The following FRMD3 variants were observed in gnomAD, a reference collection of about 807,000 sequenced individuals.
The protein encoded by FRMD3 is FERM domain-containing protein 3.
Under a neutral mutation model 70.2 loss-of-function variants are expected in FRMD3, and 33 were observed. The ratio of observed to expected loss-of-function variants is 0.47; its 90% CI spans 0.36 to 0.63. The LOEUF (loss-of-function observed/expected upper bound fraction) is 0.63. Among genes scored for constraint, FRMD3 ranks in the 20% least tolerant of loss-of-function variants. The pLI is 0.00. For missense variants in FRMD3, 632 were observed against 711.4 expected, an observed-to-expected ratio of 0.89 and a Z score of 1.27; for synonymous variants, 279 against 255.9, an observed-to-expected ratio of 1.09 and a Z score of -0.86.
At chr9:83,469,628 C>A (rs1446594857) in intron 1 of FRMD3, among the ~76,000 whole-genome samples, 1 of 151,970 alleles carries the variant, frequency 6.6e-6, no homozygotes, top group Non-Finnish European at 1.5e-5. Context: ...TGAACCACCT[C>A]ATGGAAAACA....
chr9:83,476,782 C>T (rs1041200754), intron 1 of FRMD3, among the ~76,000 whole-genome samples: 2 of 152,140 alleles, frequency 1.3e-5, no homozygotes, highest in Non-Finnish European at 1.5e-5. Context: ...TCCCTTGAGT[C>T]GTAATCATGT....
the FRMD3 span, among the ~76,000 whole-genome samples, chr9:83,578,662 G>C: frequency 6.6e-6 from 1 of 151,722 alleles, no homozygotes; most frequent in African/African-American, 2.4e-5. Flanking sequence ...TAACAGATTA[G>C]GTACAGAAGA....
chr9:83,565,632 C>T, the FRMD3 span, among the ~76,000 whole-genome samples: 1 of 152,194 alleles, frequency 6.6e-6, no homozygotes, highest in Admixed American at 6.5e-5. Context: ...CTGTCCCAGT[C>T]CCATTTCTTC....
At chr9:83,566,164 G>T in the FRMD3 span, among the ~76,000 whole-genome samples, 4 of 152,300 alleles carry the variant, frequency 2.6e-5, no homozygotes, top group South Asian at 8.3e-4. Flanking sequence ...TCAGAATCAT[G>T]GCAGGAGGTG....
At chr9:83,511,214 G>A (rs534171817) in intron 1 of FRMD3, among the ~76,000 whole-genome samples, 1 of 152,282 alleles carries the variant, frequency 6.6e-6, no homozygotes, top group African/African-American at 2.4e-5. Flanking sequence ...CTTAGGAAAT[G>A]ACTAATAAAC....
chr9:83,351,323 T>TACACACAC (rs56407249), intron 3 of FRMD3, among the ~76,000 whole-genome samples: 8,092 of 143,762 alleles, frequency 0.056, 323 homozygotes, highest in East Asian at 0.19. Flanking sequence ...AAACTGATCA[T>TACACACAC]ACACACACAC....
chr9:83,582,362 T>C, the FRMD3 span, among the ~76,000 whole-genome samples: 1 of 152,246 alleles, frequency 6.6e-6, no homozygotes, highest in African/African-American at 2.4e-5. Context: ...TTCTTAAATT[T>C]AGTTCATTAA....
chr9:83,379,570 T>G (rs1825292910), intron 2 of FRMD3, among the ~76,000 whole-genome samples: 1 of 152,152 alleles, frequency 6.6e-6, no homozygotes, highest in Non-Finnish European at 1.5e-5. Context: ...CCATCATTGA[T>G]TCTACAAAAT....
intron 5 of FRMD3, among the ~76,000 whole-genome samples, chr9:83,340,223 G>A (rs182626250): frequency 9.2e-5 from 14 of 152,182 alleles, no homozygotes; most frequent in Admixed American, 2.0e-4. Flanking sequence ...CAAGTGCCCC[G>A]ATTCATTTCA....
intron 1 of FRMD3, among the ~76,000 whole-genome samples, chr9:83,461,833 A>C (rs1587876822): frequency 6.6e-6 from 1 of 151,580 alleles, no homozygotes; most frequent in Admixed American, 6.6e-5. Flanking sequence ...GATTACAGGC[A>C]CCTGCCACCA....
chr9:83,355,121 C>A (rs1824293310), intron 3 of FRMD3, among the ~76,000 whole-genome samples: 1 of 152,076 alleles, frequency 6.6e-6, no homozygotes, highest in Admixed American at 6.5e-5. Context: ...GTCCTGAATC[C>A]CCTTGTGCAG....
At chr9:83,565,119 T>C in the FRMD3 span, among the ~76,000 whole-genome samples, 3 of 152,120 alleles carry the variant, frequency 2.0e-5, no homozygotes, top group African/African-American at 7.2e-5. Context: ...AATAATGAGA[T>C]TTTACCAGGT....
chr9:83,517,649 G>T (rs1829484766), intron 1 of FRMD3, among the ~76,000 whole-genome samples: 1 of 152,096 alleles, frequency 6.6e-6, no homozygotes, highest in Non-Finnish European at 1.5e-5. Context: ...TATGAGGCCA[G>T]CATCACCCTT....
chr9:83,556,657 A>G, the FRMD3 span, among the ~76,000 whole-genome samples: 1 of 152,076 alleles, frequency 6.6e-6, no homozygotes, highest in African/African-American at 2.4e-5. Flanking sequence ...GGAATTTTCA[A>G]TTAGCCAATT....
intron 1 of FRMD3, among the ~76,000 whole-genome samples, chr9:83,463,054 A>T (rs1384697424): frequency 6.6e-6 from 1 of 152,206 alleles, no homozygotes; most frequent in African/African-American, 2.4e-5. Context: ...GAAGGATGCA[A>T]AAATTGCACC....
At chr9:83,443,826 C>T (rs1013012472) in intron 1 of FRMD3, among the ~76,000 whole-genome samples, 27 of 152,216 alleles carry the variant, frequency 1.8e-4, no homozygotes, top group African/African-American at 5.8e-4. Flanking sequence ...TTTTAATGAT[C>T]GCCATTCCAA....
rs139172134 is a variant in FRMD3 at position 83,337,593 on chromosome 9, T to A, written c.473-1954A>T. 3.2e-3 allele frequency among the ~76,000 whole-genome samples: 489 copies of A among 152,272 alleles called. 2 individuals carry two copies. Among genetic ancestry groups the A allele is most frequent in the African/African-American group, 0.011 (441 of 41,554 alleles). ...AAAGATATGGCCCAGGAGAGTAGAC[T>A]AAAGATAGTGGGAAAATTGTATTAG... is the stretch of plus-strand genomic sequence containing the variant. On this transcript the variant is annotated intron_variant, in intron 5 of 13. Transcript: ENST00000304195.
chr9:83,308,994 C>A (rs903590382), intron 10 of FRMD3, among the ~76,000 whole-genome samples: 1 of 152,116 alleles, frequency 6.6e-6, no homozygotes, highest in Admixed American at 6.5e-5. Flanking sequence ...AGCAGGAGAA[C>A]TGTGAGGCAT....
chr9:83,272,698 C>T (rs1367457734), intron 13 of FRMD3, among the ~76,000 whole-genome samples: 14 of 130,628 alleles, frequency 1.1e-4, no homozygotes, highest in African/African-American at 3.8e-4. Flanking sequence ...AAGTGAGGAG[C>T]GCCTCTTCCC....
Sources: allele counts gnomAD v4.1 joint callset (sites outside exome capture counted in the v4.1 genomes callset), GRCh38; gene constraint gnomAD v4.1.1; transcripts MANE v1.5; gene names NCBI Gene and HGNC (gene_info 2026-07-23, HGNC 2026-07-21).